RTBDN: variants seen among roughly 807,000 people sequenced by gnomAD.
The protein encoded by RTBDN is retbindin.
Under a neutral mutation model 21.9 loss-of-function variants are expected in RTBDN, and 24 were observed. That is an observed-to-expected ratio of 1.10 (90% CI 0.79 to 1.54). The LOEUF is 1.54. RTBDN is among the 40% of genes most tolerant of loss of function. RTBDN has a pLI of 0.00. For missense variants in RTBDN, 325 were observed against 315.2 expected (o/e 1.03, Z -0.23); for synonymous variants, 141 against 125.9 (o/e 1.12, Z -0.80).
chr19:12,830,719 C>A lies in RTBDN; in HGVS notation c.-18-722G>T. 1 of 973,630 alleles carries A rather than the reference C, an allele frequency of 1.0e-6. No individual in the cohort carries two copies. 60.3% of individuals were successfully genotyped at this position (973,630 alleles called of 1,614,324 possible). A position where few individuals can be genotyped will look rare whatever the true frequency, so the allele number is the denominator to read the frequency against. ...TTAATGCAGGGGCGGGACCTCCCAC[C>A]GTCCTGCCCACACTCCAGCTGACCA... On this transcript the variant is annotated intron_variant, in intron 1 of 5. Transcript: ENST00000674343. This position sits in a 1 kb window ranked among gnomAD's most constrained non-coding sequence, Gnocchi z 4.2.
At position 12,830,639 on chromosome 19, in the gene RTBDN, C is replaced by G; in HGVS notation, c.-18-642G>C. The G allele has an allele frequency of 3.0e-6, 3 of 985,618 alleles. No individual in the cohort carries two copies. Among genetic ancestry groups the G allele is most frequent in the Non-Finnish European group, 3.6e-6 (3 of 830,092 alleles). The allele number at this position is 985,618 out of a possible 1,614,324, so 61.1% of individuals were successfully genotyped here. A position where few individuals can be genotyped will look rare whatever the true frequency, so the allele number is the denominator to read the frequency against. The stretch of plus-strand genomic sequence containing the variant: ...GTTGGCTGGATTGGGGTCTAGAGGC[C>G]GCTAAGACACCTCAGGATCCAGTCC... On this transcript the variant is annotated intron_variant, in intron 1 of 5. Transcript: ENST00000674343. This position sits in a 1 kb window ranked among gnomAD's most constrained non-coding sequence, Gnocchi z 4.2.
chr19:12,829,359 G>A (rs1969463859), intron 2 of RTBDN, among the ~76,000 whole-genome samples: 1 of 151,876 alleles, frequency 6.6e-6, no homozygotes, highest in Non-Finnish European at 1.5e-5. Flanking sequence ...ATGCCACCTC[G>A]TCCAGCTAAT....
At chr19:12,834,695 G>A (rs1969696794), upstream of RTBDN, 1 of 1,548,412 alleles carries the variant, frequency 6.5e-7, no homozygotes, top group South Asian at 1.1e-5. This position sits in a 1 kb window ranked among gnomAD's most constrained non-coding sequence, Gnocchi z 4.7. Flanking sequence ...AGGCGCAGGA[G>A]CCGTGCGTCC....
At chr19:12,831,819 T>G (rs776541502) in intron 1 of RTBDN, among the ~76,000 whole-genome samples, 6 of 152,186 alleles carry the variant, frequency 3.9e-5, no homozygotes, top group Non-Finnish European at 8.8e-5. Context: ...GCAGAGGGTA[T>G]GGGTGTGTAT....
At position 12,830,428 on chromosome 19, in the gene RTBDN, T is replaced by C; in HGVS notation, c.-18-431A>G. On this transcript the variant is annotated intron_variant, in intron 1 of 5. Coordinates refer to ENST00000674343, the MANE Select transcript of RTBDN (RefSeq NM_001270441.2). This position sits in a 1 kb window ranked among gnomAD's most constrained non-coding sequence, Gnocchi z 4.2. ...CTCTCGCTCCCTGCCGGCCCTTCTC[T>C]GGGTCACCTTCTCTCGGCCCACAAT... 2 of 988,940 alleles carry C rather than the reference T, an allele frequency of 2.0e-6. No homozygotes were observed. Among genetic ancestry groups the C allele is most frequent in the Non-Finnish European group, 2.4e-6 (2 of 832,248 alleles). The allele number at this position is 988,940 out of a possible 1,614,324, so 61.3% of individuals were successfully genotyped here.
Position 12,834,356 on chromosome 19 carries a change from T to C in RTBDN, c.-19+133A>G, listed in dbSNP as rs796889158. The C allele has an allele frequency of 6.1e-6, 4 of 660,734 alleles. No homozygotes were observed. The highest frequency in any genetic ancestry group is 1.8e-5 in the South Asian group (1 of 54,202). The allele number at this position is 660,734 out of a possible 1,614,324, so 40.9% of individuals were successfully genotyped here. A position where few individuals can be genotyped will look rare whatever the true frequency, so the allele number is the denominator to read the frequency against. ...GGTGAGGGGGCGCAGAGCAAAGTTATTGCCCTAGGGCTCATGCCCCTCGGG... is the reference window on the plus strand; with the variant it reads ...GGTGAGGGGGCGCAGAGCAAAGTTACTGCCCTAGGGCTCATGCCCCTCGGG... On this transcript the variant is annotated intron_variant, in intron 1 of 5. Transcript: ENST00000674343. This position sits in a 1 kb window ranked among gnomAD's most constrained non-coding sequence, Gnocchi z 4.7.
In RTBDN at chr19:12,830,056, C is replaced by A; in HGVS notation, c.-18-59G>T. On this transcript the variant is annotated intron_variant, in intron 1 of 5. Coordinates refer to ENST00000674343, the MANE Select transcript of RTBDN (RefSeq NM_001270441.2). The surrounding 1 kb of genome is among the most constrained non-coding windows in gnomAD (Gnocchi z 4.2). ...TTCTGTGAGCTTAGGGTGGCACCCA[C>A]CCAGTGCATACCCAAGAAGCAGTGC... 2 of 1,543,394 alleles carry A rather than the reference C, an allele frequency of 1.3e-6. No individual in the cohort carries two copies. Among genetic ancestry groups the A allele is most frequent in the East Asian group, 2.3e-5 (1 of 43,978 alleles).
At chr19:12,834,960 T>G, upstream of RTBDN, 1 of 1,548,404 alleles carries the variant, frequency 6.5e-7, no homozygotes. This position sits in a 1 kb window ranked among gnomAD's most constrained non-coding sequence, Gnocchi z 4.7. Context: ...CTGGCCCTTC[T>G]GAGCCTCCTT....
chr19:12,834,369 C>T lies in RTBDN; in HGVS notation c.-19+120G>A, dbSNP rs1599569152. Reference sequence around the variant, plus strand: ...AGAGCAAAGTTATTGCCCTAGGGCTCATGCCCCTCGGGGCCATCGGCGCCG... The same window carrying T: ...AGAGCAAAGTTATTGCCCTAGGGCTTATGCCCCTCGGGGCCATCGGCGCCG... On this transcript the variant is annotated intron_variant, in intron 1 of 5. Transcript: ENST00000674343. This position sits in a 1 kb window ranked among gnomAD's most constrained non-coding sequence, Gnocchi z 4.7. The T allele has an allele frequency of 5.4e-6, 4 of 741,718 alleles. No homozygotes were observed. Among genetic ancestry groups the T allele is most frequent in the South Asian group, 4.9e-5 (3 of 60,938 alleles). The allele number at this position is 741,718 out of a possible 1,614,324, so 45.9% of individuals were successfully genotyped here.
rs1442955215 is a variant in RTBDN at position 12,825,877 on chromosome 19, C to T, written c.519G>A (p.Val173=). Residue 173 remains valine, a synonymous_variant, in exon 6 of 6, where the codon GTG becomes GTA. Transcript: ENST00000674343. ...AGCAGTGACGGGCTCCAGGAGCAGCCACCGGTAGGGCGTGGCCCAGAGCCG... is the reference window on the plus strand; with the variant it reads ...AGCAGTGACGGGCTCCAGGAGCAGCTACCGGTAGGGCGTGGCCCAGAGCCG... ...CRSALGHALP[V]AAPGARHCFN... is the part of the protein sequence containing the mutation. The T allele has an allele frequency of 3.7e-6, 6 of 1,613,290 alleles. No individual in the cohort carries two copies. The highest frequency in any genetic ancestry group is 1.7e-5 in the Admixed American group (1 of 59,942).
chr19:12,835,265 G>T (rs10413858), upstream of RTBDN: 3,746 of 661,532 alleles, frequency 5.7e-3, 103 homozygotes, highest in African/African-American at 0.059. Flanking sequence ...TCAGAGCCCA[G>T]ATGGCCCGAT....
At position 12,834,184 on chromosome 19, in the gene RTBDN, C is replaced by T. The variant is rs902812682; in HGVS notation, c.-19+305G>A. Among the ~76,000 whole-genome samples the T allele has an allele frequency of 7.2e-5, 11 of 152,144 alleles. No individual in the cohort carries two copies. The highest frequency in any genetic ancestry group is 1.5e-4 in the Non-Finnish European group (10 of 67,988). On this transcript the variant is annotated intron_variant, in intron 1 of 5. Coordinates refer to ENST00000674343, the MANE Select transcript of RTBDN (RefSeq NM_001270441.2). This position sits in a 1 kb window ranked among gnomAD's most constrained non-coding sequence, Gnocchi z 4.7. ...GTCCCGCCGCGCTGGGGACCCCGCC[C>T]CTCAGGCGCCGCCCGGCGATCCAGG...
chr19:12,827,750 C>T (rs1483311373), intron 4 of RTBDN, among the ~76,000 whole-genome samples: 1 of 152,130 alleles, frequency 6.6e-6, no homozygotes, highest in Non-Finnish European at 1.5e-5. Context: ...ATTACAGGCA[C>T]CCACCCTTTT....
Position 12,834,497 on chromosome 19 carries a change from C to A in RTBDN, c.-27G>T. 1.3e-6 allele frequency: 2 copies of A among 1,535,336 alleles called. No homozygotes were observed. Among genetic ancestry groups the A allele is most frequent in the Non-Finnish European group, 1.7e-6 (2 of 1,146,428 alleles). ...CTGCGTCCCCCACGCACCTGCCTGG[C>A]CATCAGGATTCTTCCTACTGCCCTA... On this transcript the variant is annotated 5_prime_UTR_variant, in exon 1 of 6. Coordinates refer to ENST00000674343, the MANE Select transcript of RTBDN (RefSeq NM_001270441.2). The surrounding 1 kb of genome is among the most constrained non-coding windows in gnomAD (Gnocchi z 4.7).
upstream of RTBDN, chr19:12,834,730 A>G: frequency 1.3e-6 from 2 of 1,589,020 alleles, no homozygotes; most frequent in Admixed American, 1.7e-5. The surrounding 1 kb of genome is among the most constrained non-coding windows in gnomAD (Gnocchi z 4.7). Flanking sequence ...GACACTGAGG[A>G]TCGCTGTGGA....
rs1351027802 is a variant in RTBDN at position 12,834,295 on chromosome 19, G to A, written c.-19+194C>T. Among the ~76,000 whole-genome samples the A allele has an allele frequency of 6.6e-6, 1 of 152,206 alleles. No individual in the cohort carries two copies. The highest frequency in any genetic ancestry group is 1.5e-5 in the Non-Finnish European group (1 of 68,014). On this transcript the variant is annotated intron_variant, in intron 1 of 5. Coordinates refer to ENST00000674343, the MANE Select transcript of RTBDN (RefSeq NM_001270441.2). The surrounding 1 kb of genome is among the most constrained non-coding windows in gnomAD (Gnocchi z 4.7). ...CCCGCCCTAGGGGGATGGGGCTGGG[G>A]CCGAAGTCATCGCCCTGGCGCCTCG...
chr19:12,833,029 C>T (rs1438264154), intron 1 of RTBDN: 2 of 152,188 alleles, frequency 1.3e-5, no homozygotes, highest in African/African-American at 4.8e-5. Flanking sequence ...CTTTAACTGC[C>T]CCCCTCTCCA....
In RTBDN at chr19:12,830,646, A is replaced by G. The variant is rs1294247100; in HGVS notation, c.-18-649T>C. On this transcript the variant is annotated intron_variant, in intron 1 of 5. Transcript: ENST00000674343. The surrounding 1 kb of genome is among the most constrained non-coding windows in gnomAD (Gnocchi z 4.2). Reference sequence around the variant, plus strand: ...GGATTGGGGTCTAGAGGCCGCTAAGACACCTCAGGATCCAGTCCAGGAAAC... The same window carrying G: ...GGATTGGGGTCTAGAGGCCGCTAAGGCACCTCAGGATCCAGTCCAGGAAAC... The G allele has an allele frequency of 1.0e-6, 1 of 985,492 alleles. No individual in the cohort carries two copies. The highest frequency in any genetic ancestry group is 1.2e-6 in the Non-Finnish European group (1 of 830,042). The allele number at this position is 985,492 out of a possible 1,614,324, so 61.0% of individuals were successfully genotyped here.
chr19:12,830,547 G>A lies in RTBDN; in HGVS notation c.-18-550C>T. On this transcript the variant is annotated intron_variant, in intron 1 of 5. Transcript: ENST00000674343. This position sits in a 1 kb window ranked among gnomAD's most constrained non-coding sequence, Gnocchi z 4.2. ...ACTGGGGCCCAAAGCCCCGAGGCAG[G>A]GACAGCTAGCGGTCTGTGGAGACAA... 2 of 984,382 alleles carry A rather than the reference G, an allele frequency of 2.0e-6. No homozygotes were observed. Among genetic ancestry groups the A allele is most frequent in the Non-Finnish European group, 1.2e-6 (1 of 828,920 alleles). 61.0% of individuals were successfully genotyped at this position (984,382 alleles called of 1,614,324 possible). A position where few individuals can be genotyped will look rare whatever the true frequency, so the allele number is the denominator to read the frequency against.
Sources: gnomAD v4.1 joint callset for allele counts (sites outside exome capture counted in the v4.1 genomes callset) on GRCh38, gnomAD v4.1.1 for gene constraint, Gnocchi (gnomAD v3.1) non-coding constraint, MANE v1.5 for transcripts, NCBI Gene and HGNC (gene_info 2026-07-23, HGNC 2026-07-21) for gene names.